AKAP3: variants seen among roughly 807,000 people sequenced by gnomAD.
AKAP3 encodes the protein A-kinase anchoring protein 3.
A neutral mutation model predicts 57.2 loss-of-function variants in AKAP3; 27 were observed. That is an observed-to-expected ratio of 0.47 (90% confidence interval 0.35 to 0.65). AKAP3 has a LOEUF of 0.65. AKAP3 is among the 30% of genes least tolerant of loss of function. The pLI is 0.01. For synonymous variants in AKAP3, 334 were observed against 392.3 expected (o/e 0.85, Z 1.76); for missense variants, 959 against 1,040.0 (o/e 0.92, Z 1.07).
intron 4 of AKAP3, among the ~76,000 whole-genome samples, chr12:4,634,851 T>C (rs781552526): frequency 6.6e-6 from 1 of 152,194 alleles, no homozygotes; most frequent in Admixed American, 6.5e-5. Context: ...TATTAAAATA[T>C]GGAATGTTCA....
At position 4,628,207 on chromosome 12, in the gene AKAP3, T is replaced by A; in HGVS notation, c.695A>T (p.Asp232Val). 6.2e-7 allele frequency: 1 copy of A among 1,614,128 alleles called. No individual in the cohort carries two copies. Among genetic ancestry groups the A allele is most frequent in the Non-Finnish European group, 8.5e-7 (1 of 1,180,004 alleles). ...GAAAGACTTCTTAGAAGGAGGCTTG[T>A]CATCTGGACCCTGTCTTTCTTTGGT... ...ESTKERQGPD[D>V]KPPSKKSFFY... The change falls in exon 5 of 6, where the codon GAC becomes GTC. Residue 232 changes from aspartate to valine, a missense_variant. Asp to Val is a radical substitution (Grantham distance 152, BLOSUM62 -3). Transcript: ENST00000228850.
intron 1 of AKAP3, 117 bp downstream of exon 1, chr12:4,648,628 C>A: frequency 6.6e-6 from 1 of 150,656 alleles, no homozygotes; most frequent in Non-Finnish European, 1.5e-5. Flanking sequence ...TGGGACACAC[C>A]CTATTTTGGT....
In AKAP3 at chr12:4,615,540, T is replaced by C; in HGVS notation, c.*199A>G. The C allele has an allele frequency of 1.8e-6, 1 of 569,804 alleles. No individual in the cohort carries two copies. Among genetic ancestry groups the C allele is most frequent in the Non-Finnish European group, 2.9e-6 (1 of 348,314 alleles). The allele number at this position is 569,804 out of a possible 1,614,324, so 35.3% of individuals were successfully genotyped here. On this transcript the variant is annotated 3_prime_UTR_variant, in exon 6 of 6. Transcript: ENST00000228850. ...CCCTTTAATTGTAATTTTTTAATTT[T>C]ACGTCCTTGCTTGCATGGACAGGAA... is the stretch of plus-strand genomic sequence containing the variant.
Position 4,648,982 on chromosome 12 carries a change from C to T in AKAP3, c.-482G>A, listed in dbSNP as rs1945734979. On this transcript the variant is annotated 5_prime_UTR_variant, in exon 1 of 6. Transcript: ENST00000228850. ...CTTTCTTCCCCCTCTCCTTCACTTTCCCAGCTTTCTTCTTAACCAACAATC... is the reference window on the plus strand; with the variant it reads ...CTTTCTTCCCCCTCTCCTTCACTTTTCCAGCTTTCTTCTTAACCAACAATC... 2.3e-6 allele frequency: 2 copies of T among 887,764 alleles called. No individual in the cohort carries two copies. Among genetic ancestry groups the T allele is most frequent in the Non-Finnish European group, 3.4e-6 (2 of 581,392 alleles). 55.0% of individuals were successfully genotyped at this position (887,764 alleles called of 1,614,324 possible). A position where few individuals can be genotyped will look rare whatever the true frequency, so the allele number is the denominator to read the frequency against.
In AKAP3 at chr12:4,641,902, T is replaced by TA. The variant is rs1312996753; in HGVS notation, c.-5dup. ...CAGAAATTATGTGATCACTTACTCT[T>TA]ACAGAGGATAGGTTCTGAGATATGA... On this transcript the variant is annotated 5_prime_UTR_variant, in exon 3 of 6. Transcript: ENST00000228850. The TA allele has an allele frequency of 6.6e-6, 1 of 152,236 alleles. No individual in the cohort carries two copies. The highest frequency in any genetic ancestry group is 1.9e-4 in the East Asian group (1 of 5,204). The allele number at this position is 152,236 out of a possible 1,614,324, so 9.4% of individuals were successfully genotyped here.
intron 3 of AKAP3, among the ~76,000 whole-genome samples, chr12:4,641,331 T>G (rs146186118): frequency 0.015 from 2,315 of 152,266 alleles, 49 homozygotes; most frequent in African/African-American, 0.05. Flanking sequence ...ATTACCTGCC[T>G]CAGCCTCCCA....
intron 2 of AKAP3, among the ~76,000 whole-genome samples, chr12:4,642,867 C>T (rs1160435566): frequency 2.0e-5 from 3 of 152,236 alleles, no homozygotes; most frequent in East Asian, 1.9e-4. Context: ...CACCACCTGC[C>T]CATTTTCAGA....
At chr12:4,616,957 C>A (rs1945292555) in intron 5 of AKAP3, among the ~76,000 whole-genome samples, 1 of 151,930 alleles carries the variant, frequency 6.6e-6, no homozygotes, top group Non-Finnish European at 1.5e-5. Context: ...AGTTTTAAAC[C>A]TATACATTCA....
intron 4 of AKAP3, among the ~76,000 whole-genome samples, chr12:4,634,575 T>C (rs1945540770): frequency 1.3e-5 from 2 of 152,206 alleles, no homozygotes; most frequent in African/African-American, 4.8e-5. Flanking sequence ...ACCTATGTAA[T>C]GGCCAGCAGT....
chr12:4,635,622 A>T (rs950522974), intron 4 of AKAP3: 1 of 769,930 alleles, frequency 1.3e-6, no homozygotes, highest in Non-Finnish European at 2.3e-6. Context: ...ATATCAGGAC[A>T]TGCTTGCCTC....
chr12:4,644,228 ATACT>A (rs1194760574), intron 2 of AKAP3, among the ~76,000 whole-genome samples: 1 of 152,142 alleles, frequency 6.6e-6, no homozygotes, highest in East Asian at 1.9e-4. Flanking sequence ...GTTAGTATAG[ATACT>A]TTCACCACAT....
intron 4 of AKAP3, among the ~76,000 whole-genome samples, chr12:4,636,377 A>G (rs1945566168): frequency 6.6e-6 from 1 of 152,194 alleles, no homozygotes; most frequent in Non-Finnish European, 1.5e-5. Context: ...CCTCACCGAC[A>G]TTTCTACTTT....
intron 5 of AKAP3, among the ~76,000 whole-genome samples, chr12:4,622,731 T>A (rs183254344): frequency 3.3e-4 from 51 of 152,332 alleles, no homozygotes; most frequent in Admixed American, 7.2e-4. Context: ...AAAGATTTCA[T>A]GATGAATACA....
In AKAP3 at chr12:4,626,824, G is replaced by C. The variant is rs758560931; in HGVS notation, c.2078C>G (p.Ala693Gly). 1.4e-5 allele frequency: 23 copies of C among 1,605,736 alleles called. No homozygotes were observed. Among genetic ancestry groups the C allele is most frequent in the Non-Finnish European group, 2.0e-5 (23 of 1,177,526 alleles). The change falls in exon 5 of 6, where the codon GCA (alanine) becomes GGA (glycine). Residue 693 changes from alanine (A) to glycine (G), a missense_variant. Physicochemically the swap from Ala to Gly is moderately conservative, Grantham distance 60. Coordinates refer to ENST00000228850, the MANE Select transcript of AKAP3 (RefSeq NM_001278309.2). ...IIAKSCDASL[A>G]ELGDDKSGDA... ...TCCAGACTTGTCATCTCCCAGCTCTGCCAACGAAGCATCACAGGACTTAGC... is the reference window on the plus strand; with the variant it reads ...TCCAGACTTGTCATCTCCCAGCTCTCCCAACGAAGCATCACAGGACTTAGC...
At chr12:4,626,348 T>G in intron 5 of AKAP3, 148 bp downstream of exon 5, 1 of 975,828 alleles carries the variant, frequency 1.0e-6, no homozygotes. Flanking sequence ...CTTTATCCAT[T>G]ATCTCTGCCA....
intron 4 of AKAP3, among the ~76,000 whole-genome samples, chr12:4,629,490 A>G (rs565983415): frequency 1.2e-4 from 18 of 152,192 alleles, no homozygotes; most frequent in Non-Finnish European, 2.5e-4. Flanking sequence ...GAGTGGAGGT[A>G]GGGAGGAGGG....
intron 4 of AKAP3, 98 bp downstream of exon 4, chr12:4,638,003 A>C: frequency 9.5e-7 from 1 of 1,050,948 alleles, no homozygotes; most frequent in Non-Finnish European, 1.5e-6. Flanking sequence ...CCCACCTTGA[A>C]AAATAAGAGG....
chr12:4,616,036 CA>C, intron 5 of AKAP3, 142 bp from the exon 6 acceptor site: 1 of 975,640 alleles, frequency 1.0e-6, no homozygotes, highest in South Asian at 1.7e-5. Flanking sequence ...GCCTGTTTAA[CA>C]GAAGGAGGTT....
chr12:4,625,936 T>C lies in AKAP3; in HGVS notation c.2406+560A>G, dbSNP rs1436001334. On this transcript the variant is annotated intron_variant, in intron 5 of 5. Coordinates refer to ENST00000228850, the MANE Select transcript of AKAP3 (RefSeq NM_001278309.2). This position sits in a 1 kb window ranked among gnomAD's most constrained non-coding sequence, Gnocchi z 5.4. ...CTTTATCAGTAATAACAGTGATAAG[T>C]TGATTTCCCATCTACCTTATGCTTT... Among the ~76,000 whole-genome samples, 2 of 152,144 alleles carry C rather than the reference T, an allele frequency of 1.3e-5. No homozygotes were observed. Among genetic ancestry groups the C allele is most frequent in the Non-Finnish European group, 2.9e-5 (2 of 68,018 alleles).
Sources: allele counts gnomAD v4.1 joint callset (sites outside exome capture counted in the v4.1 genomes callset), GRCh38; gene constraint gnomAD v4.1.1; non-coding constraint Gnocchi (gnomAD v3.1); transcripts MANE v1.5; gene names NCBI Gene and HGNC (gene_info 2026-07-23, HGNC 2026-07-21).